WDR70: variants seen among roughly 807,000 people sequenced by gnomAD.
WDR70 encodes WD repeat-containing protein 70.
Under a neutral mutation model 88.6 loss-of-function variants are expected in WDR70, and 53 were observed. That is an observed-to-expected ratio of 0.60 (90% confidence interval 0.48 to 0.75). WDR70 has a LOEUF of 0.75. Among genes scored for constraint, WDR70 ranks in the 30% least tolerant of loss-of-function variants. WDR70 has a pLI of 0.00. For missense variants in WDR70, 610 were observed against 823.2 expected (o/e 0.74, Z 3.17); for synonymous variants, 280 against 270.0 (o/e 1.04, Z -0.36).
intron 13 of WDR70, among the ~76,000 whole-genome samples, chr5:37,706,716 T>TACACACACACACACAC (rs58482881): frequency 2.7e-5 from 4 of 149,896 alleles, no homozygotes; most frequent in African/African-American, 7.4e-5. Context: ...AACAGAGTAA[T>TACACACACACACACAC]ACACACACAC....
At chr5:37,748,729 C>T (rs184433568) in intron 17 of WDR70, among the ~76,000 whole-genome samples, 319 of 152,258 alleles carry the variant, frequency 2.1e-3, no homozygotes, top group African/African-American at 7.3e-3. Context: ...TGACAAAGGT[C>T]TAATATCCAG....
chr5:37,544,814 G>C (rs1008582684), intron 9 of WDR70, among the ~76,000 whole-genome samples: 40 of 152,276 alleles, frequency 2.6e-4, no homozygotes, highest in African/African-American at 9.1e-4. Flanking sequence ...CTGTTATATA[G>C]AGCAGATGTG....
At chr5:37,610,359 T>C (rs1744156871) in intron 10 of WDR70, among the ~76,000 whole-genome samples, 1 of 152,166 alleles carries the variant, frequency 6.6e-6, no homozygotes, top group East Asian at 1.9e-4. Flanking sequence ...TATAGCTTGA[T>C]TTCTTTGCTT....
At chr5:37,544,386 A>C (rs1741924635) in intron 9 of WDR70, among the ~76,000 whole-genome samples, 1 of 152,214 alleles carries the variant, frequency 6.6e-6, no homozygotes, top group Non-Finnish European at 1.5e-5. Context: ...CACAGTCAAT[A>C]ACATATGTTA....
At chr5:37,606,831 C>T (rs1043872347) in intron 10 of WDR70, among the ~76,000 whole-genome samples, 2 of 146,786 alleles carry the variant, frequency 1.4e-5, no homozygotes, top group South Asian at 4.3e-4. Flanking sequence ...AAAAACTTGC[C>T]AGCAGGAAAC....
chr5:37,556,228 G>T (rs1051101836), intron 9 of WDR70, among the ~76,000 whole-genome samples: 3 of 150,436 alleles, frequency 2.0e-5, no homozygotes, highest in Admixed American at 1.3e-4. Flanking sequence ...ACTTTCCAAA[G>T]AATTTATTTT....
chr5:37,382,927 C>T (rs1350216037), intron 3 of WDR70, among the ~76,000 whole-genome samples: 2 of 151,778 alleles, frequency 1.3e-5, no homozygotes, highest in Non-Finnish European at 2.9e-5. Flanking sequence ...GCAGGAGAAT[C>T]GCTTGAACCT....
At chr5:37,699,410 C>CACACACACACAA in intron 11 of WDR70, among the ~76,000 whole-genome samples, 1 of 149,554 alleles carries the variant, frequency 6.7e-6, no homozygotes, top group Non-Finnish European at 1.5e-5. Flanking sequence ...TATACACACA[C>CACACACACACAA]ACACACACAC....
intron 10 of WDR70, among the ~76,000 whole-genome samples, chr5:37,636,004 G>T (rs1366895027): frequency 1.3e-5 from 2 of 152,128 alleles, no homozygotes; most frequent in African/African-American, 4.8e-5. Flanking sequence ...TGCCATGATT[G>T]TAAATTTCCT....
intron 13 of WDR70, among the ~76,000 whole-genome samples, chr5:37,712,641 A>G (rs979178425): frequency 6.6e-6 from 1 of 152,164 alleles, no homozygotes; most frequent in South Asian, 2.1e-4. Context: ...TACTGATGTG[A>G]TATAGTACTT....
intron 5 of WDR70, among the ~76,000 whole-genome samples, chr5:37,414,096 G>C (rs1042751621): frequency 2.9e-5 from 4 of 140,038 alleles, no homozygotes; most frequent in African/African-American, 7.9e-5. Context: ...GGTGAGCCTT[G>C]ATTGCGCATT....
In WDR70 at chr5:37,450,678, C is replaced by G. The variant is rs377321326; in HGVS notation, c.686+7306C>G. 3.5e-4 allele frequency among the ~76,000 whole-genome samples: 54 copies of G among 152,156 alleles called. 1 individual carries two copies. In the South Asian group the frequency reaches 6.0e-3, roughly 17 times the overall value. ...AGCGTTACAGAATTTTTCTTAATGT[C>G]TTTTAATTTGATATTCAAATTAAAA... On this transcript the variant is annotated intron_variant, in intron 7 of 17. Transcript: ENST00000265107.
At chr5:37,575,751 C>T (rs1357698317) in intron 9 of WDR70, among the ~76,000 whole-genome samples, 3 of 152,144 alleles carry the variant, frequency 2.0e-5, no homozygotes, top group African/African-American at 7.2e-5. Flanking sequence ...TCCCTGAGTT[C>T]TGTGAGCCCT....
intron 17 of WDR70, among the ~76,000 whole-genome samples, chr5:37,728,354 A>C (rs1748048106): frequency 1.4e-5 from 1 of 69,066 alleles, no homozygotes; most frequent in African/African-American, 5.2e-5. Flanking sequence ...CCTCCAAAAA[A>C]AAAAAAAAAC....
chr5:37,710,305 A>T (rs1747470769), intron 13 of WDR70, among the ~76,000 whole-genome samples: 1 of 152,144 alleles, frequency 6.6e-6, no homozygotes, highest in Non-Finnish European at 1.5e-5. Context: ...CAATCAGTAT[A>T]CAGAAGAGTA....
At chr5:37,452,490 T>C (rs1474715899) in intron 7 of WDR70, among the ~76,000 whole-genome samples, 3 of 152,208 alleles carry the variant, frequency 2.0e-5, no homozygotes, top group Non-Finnish European at 4.4e-5. Flanking sequence ...GGTCCTGAAC[T>C]CTTGACCTCA....
chr5:37,685,085 T>A (rs897204452), intron 10 of WDR70, among the ~76,000 whole-genome samples: 8 of 151,986 alleles, frequency 5.3e-5, no homozygotes, highest in Non-Finnish European at 1.0e-4. Context: ...GTTCTCCATC[T>A]CTATTTTCAC....
chr5:37,595,835 T>A (rs373531161), intron 9 of WDR70, among the ~76,000 whole-genome samples: 7 of 152,172 alleles, frequency 4.6e-5, no homozygotes, highest in African/African-American at 1.4e-4. Flanking sequence ...AAATACTAGG[T>A]CCTCAATAAA....
At chr5:37,671,709 G>C (rs1002589046) in intron 10 of WDR70, among the ~76,000 whole-genome samples, 2 of 152,140 alleles carry the variant, frequency 1.3e-5, no homozygotes, top group Non-Finnish European at 2.9e-5. Flanking sequence ...AGATACACTA[G>C]AGTAATAGGC....
Sources: allele counts gnomAD v4.1 joint callset (sites outside exome capture counted in the v4.1 genomes callset), GRCh38; gene constraint gnomAD v4.1.1; transcripts MANE v1.5; gene names NCBI Gene and HGNC (gene_info 2026-07-23, HGNC 2026-07-21).